Variants in STOX2 observed in about 807,000 individuals in gnomAD.
The protein encoded by STOX2 is storkhead box 2.
A neutral mutation model predicts 60.9 loss-of-function variants in STOX2; 28 were observed. That is an observed-to-expected ratio of 0.46 (90% CI 0.34 to 0.63). The LOEUF (loss-of-function observed/expected upper bound fraction) is 0.63, where lower values mean the gene tolerates loss of function less well. Among genes scored for constraint, STOX2 ranks in the 30% least tolerant of loss-of-function variants. STOX2 has a pLI of 0.01. For synonymous variants in STOX2, 472 were observed against 463.9 expected (o/e 1.02, Z -0.22); for missense variants, 1,024 against 1,187.7 (o/e 0.86, Z 2.03).
chr4:183,866,739 C>T (rs373314626), intron 1 of STOX2, among the ~76,000 whole-genome samples: 235 of 152,184 alleles, frequency 1.5e-3, no homozygotes, highest in African/African-American at 5.3e-3. Flanking sequence ...AGGTGCCAGG[C>T]GCAGTGGCTT....
At chr4:183,800,785 G>A (rs1336251277) in intron 1 of STOX2, among the ~76,000 whole-genome samples, 1 of 152,188 alleles carries the variant, frequency 6.6e-6, no homozygotes, top group Non-Finnish European at 1.5e-5. Flanking sequence ...CATAGAGAGT[G>A]GTAATAAAAG....
intron 1 of STOX2, among the ~76,000 whole-genome samples, chr4:183,851,093 G>A (rs796947813): frequency 0.021 from 875 of 41,592 alleles, 4 homozygotes; most frequent in African/African-American, 0.03. Context: ...AAAGGATGAG[G>A]GAAACGATGA....
intron 1 of STOX2, among the ~76,000 whole-genome samples, chr4:183,816,002 A>G (rs1020483392): frequency 6.6e-6 from 1 of 152,218 alleles, no homozygotes; most frequent in Non-Finnish European, 1.5e-5. Context: ...CCAGTGTCCA[A>G]CAGTACATTA....
intron 1 of STOX2, among the ~76,000 whole-genome samples, chr4:183,917,381 T>G (rs1234826136): frequency 1.3e-5 from 2 of 152,232 alleles, no homozygotes; most frequent in African/African-American, 4.8e-5. Context: ...TTAGGATTTT[T>G]AAGAATTCCG....
chr4:183,987,198 C>T (rs1269942615), intron 1 of STOX2, among the ~76,000 whole-genome samples: 2 of 152,134 alleles, frequency 1.3e-5, no homozygotes, highest in Non-Finnish European at 2.9e-5. Context: ...CCATTTTTCT[C>T]GGGTTTTATG....
chr4:184,010,173 A>G lies in STOX2; in HGVS notation c.1335A>G (p.Glu445=). The G allele has an allele frequency of 6.4e-7, 1 of 1,556,968 alleles. No homozygotes were observed. Among genetic ancestry groups the G allele is most frequent in the East Asian group, 2.4e-5 (1 of 41,262 alleles). The change falls in exon 3 of 4, where the codon GAA becomes GAG. Residue 445 remains glutamate (E), a synonymous_variant. Transcript: ENST00000308497. This position sits in a 1 kb window ranked among gnomAD's most constrained non-coding sequence, Gnocchi z 4.5. The part of the protein sequence containing the change: ...PMTPEWDVSG[E]LAKRRTEMPF... The stretch of plus-strand genomic sequence containing the variant: ...CACCAGAATGGGATGTGTCTGGTGA[A>G]TTGGCTAAAAGGAGAACTGAGATGC...
At chr4:183,955,970 A>G (rs1261079119) in intron 1 of STOX2, among the ~76,000 whole-genome samples, 1 of 69,814 alleles carries the variant, frequency 1.4e-5, no homozygotes, top group Non-Finnish European at 3.1e-5. Flanking sequence ...AGAGTAAGGC[A>G]TATGATTTTT....
Position 183,839,674 on chromosome 4 carries a change from C to T in STOX2, c.364+41619C>T, listed in dbSNP as rs139321269. 2.5e-3 allele frequency among the ~76,000 whole-genome samples: 380 copies of T among 152,240 alleles called. 5 individuals are homozygous for T. In the South Asian group the frequency reaches 0.032, roughly 13 times the overall value. ...AATGAGGCCAGAACGCGAACTGTGTCCTCTTGACTTTGCATTTCATGTTCT... is the reference window on the plus strand; with the variant it reads ...AATGAGGCCAGAACGCGAACTGTGTTCTCTTGACTTTGCATTTCATGTTCT... On this transcript the variant is annotated intron_variant, in intron 1 of 2. Coordinates refer to the STOX2 transcript ENST00000513034.
At chr4:183,858,587 A>G (rs1337414123) in intron 1 of STOX2, among the ~76,000 whole-genome samples, 1 of 152,002 alleles carries the variant, frequency 6.6e-6, no homozygotes, top group Non-Finnish European at 1.5e-5. Flanking sequence ...GAAAATAGAG[A>G]AAAAGAGAAA....
chr4:184,005,033 T>C (rs1366825102), intron 2 of STOX2, among the ~76,000 whole-genome samples: 2 of 152,246 alleles, frequency 1.3e-5, no homozygotes, highest in African/African-American at 2.4e-5. Context: ...TGAATTCTTC[T>C]TCAGCCAGCG....
chr4:183,809,319 C>T (rs1452698054), intron 1 of STOX2, among the ~76,000 whole-genome samples: 1 of 152,138 alleles, frequency 6.6e-6, no homozygotes, highest in Non-Finnish European at 1.5e-5. Context: ...CGAACTCTTC[C>T]TCAAGTGATC....
intron 1 of STOX2, among the ~76,000 whole-genome samples, chr4:183,883,538 G>T (rs1423213539): frequency 6.6e-6 from 1 of 152,032 alleles, no homozygotes; most frequent in Non-Finnish European, 1.5e-5. Context: ...GGATGGTCTC[G>T]ATCTCCTGAC....
chr4:183,984,295 G>A (rs1239801897), intron 1 of STOX2, among the ~76,000 whole-genome samples: 1 of 152,226 alleles, frequency 6.6e-6, no homozygotes, highest in African/African-American at 2.4e-5. Flanking sequence ...AGCCATTGCT[G>A]ACTGTTTCGA....
intron 1 of STOX2, among the ~76,000 whole-genome samples, chr4:183,817,760 T>A (rs1739185621): frequency 6.6e-6 from 1 of 152,188 alleles, no homozygotes; most frequent in South Asian, 2.1e-4. Flanking sequence ...GGAGAGACCT[T>A]TTCTCACCGA....
At position 184,021,677 on chromosome 4, in the gene STOX2, T is replaced by A. The variant is rs557419014; in HGVS notation, c.*4393T>A. The A allele has an allele frequency of 6.6e-6, 1 of 152,264 alleles. No individual in the cohort carries two copies. Among genetic ancestry groups the A allele is most frequent in the Admixed American group, 6.5e-5 (1 of 15,302 alleles). 9.4% of individuals were successfully genotyped at this position (152,264 alleles called of 1,614,324 possible). ...AGTGGAAGGTGCTGAAACAGAAATT[T>A]TAATTAAAAACTTTATCAAGTACTC... On this transcript the variant is annotated 3_prime_UTR_variant, in exon 4 of 4. Transcript: ENST00000308497.
chr4:183,875,644 AAAG>A (rs1292950301), intron 1 of STOX2, among the ~76,000 whole-genome samples: 1 of 152,208 alleles, frequency 6.6e-6, no homozygotes, highest in Non-Finnish European at 1.5e-5. Context: ...GTGTTTTGTC[AAAG>A]AAGGATGGAA....
rs749497298 is a variant in STOX2 at position 184,001,795 on chromosome 4, T to G, written c.319+318T>G. On this transcript the variant is annotated intron_variant, in intron 2 of 3. Coordinates refer to ENST00000308497, the MANE Select transcript of STOX2 (RefSeq NM_020225.3). The surrounding 1 kb of genome is among the most constrained non-coding windows in gnomAD (Gnocchi z 4.2). ...AAACTAATCTTTAAATACATGAACG[T>G]GAGGGTTCAACGGCTGAAAACTTTA... Among the ~76,000 whole-genome samples, 12 of 151,920 alleles carry G rather than the reference T, an allele frequency of 7.9e-5. No homozygotes were observed. The highest frequency in any genetic ancestry group is 1.5e-4 in the Non-Finnish European group (10 of 67,986).
At chr4:183,858,091 AC>A (rs921728354) in intron 1 of STOX2, among the ~76,000 whole-genome samples, 1 of 152,028 alleles carries the variant, frequency 6.6e-6, no homozygotes, top group African/African-American at 2.4e-5. Context: ...TGGAAGGGCA[AC>A]CCCTGGGGAA....
chr4:183,798,889 GGTTTT>G, intron 1 of STOX2: 4 of 346,986 alleles, frequency 1.2e-5, no homozygotes, highest in Non-Finnish European at 1.4e-5. Context: ...TTGTACTTTG[GGTTTT>G]ATACTTTGAG....
Sources: allele counts gnomAD v4.1 joint callset (sites outside exome capture counted in the v4.1 genomes callset), GRCh38; gene constraint gnomAD v4.1.1; non-coding constraint Gnocchi (gnomAD v3.1); transcripts MANE v1.5; gene names NCBI Gene and HGNC (gene_info 2026-07-23, HGNC 2026-07-21).